Variants in MSI2 observed in about 807,000 individuals in gnomAD.
The protein encoded by MSI2 is RNA-binding protein Musashi homolog 2.
MSI2 carries 17 observed loss-of-function variants against 45.6 expected under a neutral mutation model. The observed-to-expected ratio is 0.37, with a 90% confidence interval of 0.26 to 0.56. The LOEUF is 0.56. MSI2 is among the 20% of genes least tolerant of loss of function. The probability of loss-of-function intolerance (pLI) is 0.77; values close to 1 mark genes in which losing one functional copy is unlikely to be tolerated. For synonymous variants in MSI2, 156 were observed against 158.2 expected (o/e 0.99, Z 0.11); for missense variants, 293 against 444.2 (o/e 0.66, Z 3.06).
intron 6 of MSI2, among the ~76,000 whole-genome samples, chr17:57,469,203 A>G (rs1440727465): frequency 6.6e-6 from 1 of 152,164 alleles, no homozygotes; most frequent in East Asian, 1.9e-4. Context: ...CTTCTGCCTC[A>G]TCTTCTAGCT....
chr17:57,339,624 A>G (rs1222920131), intron 5 of MSI2, among the ~76,000 whole-genome samples: 1 of 152,168 alleles, frequency 6.6e-6, no homozygotes. Flanking sequence ...ACACCCTGCC[A>G]TGATGACAGT....
At chr17:57,491,282 A>G (rs1418850036) in intron 6 of MSI2, among the ~76,000 whole-genome samples, 1 of 152,172 alleles carries the variant, frequency 6.6e-6, no homozygotes, top group East Asian at 1.9e-4. Flanking sequence ...GAGGCATTGG[A>G]GAAGACAGGT....
intron 6 of MSI2, among the ~76,000 whole-genome samples, chr17:57,452,495 A>G (rs1443098951): frequency 6.6e-6 from 1 of 152,072 alleles, no homozygotes; most frequent in Non-Finnish European, 1.5e-5. Flanking sequence ...TGGGTCCTGG[A>G]CTCGTGAGGG....
intron 8 of MSI2, among the ~76,000 whole-genome samples, chr17:57,597,567 A>G (rs1905378660): frequency 6.6e-6 from 1 of 151,694 alleles, no homozygotes; most frequent in Non-Finnish European, 1.5e-5. Flanking sequence ...TTGAGGCTGC[A>G]GTGAGCCATG....
chr17:57,531,303 C>T (rs2086816945), intron 7 of MSI2, among the ~76,000 whole-genome samples: 1 of 152,338 alleles, frequency 6.6e-6, no homozygotes, highest in African/African-American at 2.4e-5. Context: ...AATCATAGAA[C>T]CTCCTCACAG....
At chr17:57,412,844 G>A (rs1567809352) in intron 6 of MSI2, among the ~76,000 whole-genome samples, 2 of 152,186 alleles carry the variant, frequency 1.3e-5, no homozygotes, top group East Asian at 3.8e-4. Flanking sequence ...TCTGGTATTA[G>A]ACCCAGCTCA....
At chr17:57,333,515 G>T (rs1407929808) in intron 5 of MSI2, among the ~76,000 whole-genome samples, 1 of 150,234 alleles carries the variant, frequency 6.7e-6, no homozygotes, top group African/African-American at 2.5e-5. Context: ...TCCTCTCACT[G>T]CAACCTCTGC....
chr17:57,375,025 G>C (rs1598185542), intron 5 of MSI2, among the ~76,000 whole-genome samples: 1 of 152,276 alleles, frequency 6.6e-6, no homozygotes, highest in East Asian at 1.9e-4. Flanking sequence ...CCTGGTCATT[G>C]CCAGCTTGTT....
intron 5 of MSI2, among the ~76,000 whole-genome samples, chr17:57,317,010 A>G (rs1167865765): frequency 6.6e-6 from 1 of 152,008 alleles, no homozygotes. Flanking sequence ...CATTGCCCAC[A>G]AGAGTGCTCA....
At chr17:57,637,897 C>T (rs978147523) in intron 10 of MSI2, among the ~76,000 whole-genome samples, 2 of 152,226 alleles carry the variant, frequency 1.3e-5, no homozygotes, top group African/African-American at 2.4e-5. Flanking sequence ...CACCAGATCT[C>T]ATTTTCCTCC....
intron 5 of MSI2, among the ~76,000 whole-genome samples, chr17:57,269,908 G>C (rs895050744): frequency 1.3e-5 from 2 of 152,154 alleles, no homozygotes; most frequent in Non-Finnish European, 1.5e-5. Context: ...GTGGTGTGAA[G>C]TGCGCAGGTG....
At chr17:57,676,845 C>T (rs1393135393) in intron 12 of MSI2, 142 bp from the exon 13 acceptor site, 8 of 701,018 alleles carry the variant, frequency 1.1e-5, no homozygotes, top group Non-Finnish European at 2.1e-5. Flanking sequence ...TCATCCTGGC[C>T]CCTCATGGCA....
chr17:57,293,128 C>T (rs1910572526), intron 5 of MSI2, among the ~76,000 whole-genome samples: 1 of 151,426 alleles, frequency 6.6e-6, no homozygotes, highest in Admixed American at 6.6e-5. Flanking sequence ...AAAAAAAAGT[C>T]AGTCGACTTG....
Position 57,445,233 on chromosome 17 carries a change from G to A in MSI2, c.405+43762G>A, listed in dbSNP as rs770551973. ...AGATGATCCCAGAAAAGCTTCCTTC[G>A]GTCACCAAGCCGCGTGTTTGTGTCT... On this transcript the variant is annotated intron_variant, in intron 6 of 13. Transcript: ENST00000284073. Among the ~76,000 whole-genome samples, 8 of 152,256 alleles carry A rather than the reference G, an allele frequency of 5.3e-5. No individual in the cohort carries two copies. In the South Asian group the frequency reaches 6.2e-4, roughly 12 times the overall value.
intron 5 of MSI2, among the ~76,000 whole-genome samples, chr17:57,323,927 G>T (rs1380366552): frequency 6.6e-6 from 1 of 152,122 alleles, no homozygotes; most frequent in Non-Finnish European, 1.5e-5. Context: ...TTTATTTTTG[G>T]TGATGGCTGG....
rs1339587512 is a variant in MSI2, at chr17:57,374,059, GT to G, written c.313-27318del. ...GATAAGAAATAGACTTCAGTTCTGT[GT>G]TATGGCCATGCAAGGTAGACTGGCA... On this transcript the variant is annotated intron_variant, in intron 5 of 13. Coordinates refer to ENST00000284073, the MANE Select transcript of MSI2 (RefSeq NM_138962.4). Among the ~76,000 whole-genome samples the G allele has an allele frequency of 1.1e-4, 16 of 152,262 alleles. No individual in the cohort carries two copies. In the East Asian group the frequency reaches 3.1e-3, roughly 29 times the overall value.
chr17:57,581,191 T>G (rs1381120044), intron 7 of MSI2, among the ~76,000 whole-genome samples: 1 of 152,014 alleles, frequency 6.6e-6, no homozygotes, highest in African/African-American at 2.4e-5. Flanking sequence ...TTTTGTATTT[T>G]TAGTAGAGAT....
At chr17:57,436,581 G>A (rs1044388305) in intron 6 of MSI2, among the ~76,000 whole-genome samples, 8 of 152,222 alleles carry the variant, frequency 5.3e-5, no homozygotes, top group African/African-American at 1.4e-4. Context: ...AATGAAAGTT[G>A]AGAGGTTCAA....
chr17:57,485,442 C>T (rs2085733985), intron 6 of MSI2, among the ~76,000 whole-genome samples: 1 of 152,178 alleles, frequency 6.6e-6, no homozygotes, highest in Admixed American at 6.5e-5. Context: ...TGGAAAAAAA[C>T]AGACTCATTT....
Sources: allele counts gnomAD v4.1 joint callset (sites outside exome capture counted in the v4.1 genomes callset), GRCh38; gene constraint gnomAD v4.1.1; transcripts MANE v1.5; gene names NCBI Gene and HGNC (gene_info 2026-07-23, HGNC 2026-07-21).